Variants in SNX25 observed in about 807,000 individuals in gnomAD.
The protein encoded by SNX25 is sorting nexin 25.
In SNX25, 62 loss-of-function variants were observed where a neutral mutation model predicts 113.7. The observed-to-expected ratio is 0.55, with a 90% CI of 0.44 to 0.67. The LOEUF is 0.67. Among genes scored for constraint, SNX25 ranks in the 30% least tolerant of loss-of-function variants. The pLI is 0.00. For synonymous variants in SNX25, 421 were observed against 436.2 expected (o/e 0.97, Z 0.43); for missense variants, 1,014 against 1,161.0 (o/e 0.87, Z 1.84).
chr4:185,251,598 C>T (rs887935299), intron 2 of SNX25, among the ~76,000 whole-genome samples: 133 of 147,272 alleles, frequency 9.0e-4, no homozygotes, highest in African/African-American at 3.4e-3. Flanking sequence ...TATTCCATTG[C>T]GTGTGTGTGT....
At chr4:185,280,463 T>TA (rs1267403844) in intron 5 of SNX25, among the ~76,000 whole-genome samples, 1 of 152,220 alleles carries the variant, frequency 6.6e-6, no homozygotes, top group Non-Finnish European at 1.5e-5. Context: ...AAAAAGGTTA[T>TA]AAAGATAGTC....
intron 16 of SNX25, among the ~76,000 whole-genome samples, chr4:185,360,950 T>TATATATATATATATAGATAGATAG (rs1048534398): frequency 8.5e-5 from 12 of 141,820 alleles, no homozygotes; most frequent in South Asian, 6.6e-4. Flanking sequence ...TATATATATA[T>TATATATATATATATAGATAGATAG]ATAGAATCTG....
chr4:185,212,491 G>GTGTGTGTTTTTGTTTTTT lies in SNX25; in HGVS notation c.429+2237_429+2238insGTGTGTTTTTGTTTTTTT, dbSNP rs546083196. 1.0e-4 allele frequency among the ~76,000 whole-genome samples: 11 copies of GTGTGTGTTTTTGTTTTTT among 104,938 alleles called. 2 individuals are homozygous for GTGTGTGTTTTTGTTTTTT. Among genetic ancestry groups the GTGTGTGTTTTTGTTTTTT allele is most frequent in the East Asian group, 2.7e-4 (1 of 3,714 alleles). 68.8% of individuals were successfully genotyped at this position (104,938 alleles called of 152,430 possible). On this transcript the variant is annotated intron_variant, in intron 1 of 18. Transcript: ENST00000652585. ...TGTGTGTGTGTGTGTGTGTGTGTGT[G>GTGTGTGTTTTTGTTTTTT]TTTTTTTTTTTTTTTGCTTTGAGAC...
intron 5 of SNX25, among the ~76,000 whole-genome samples, chr4:185,285,740 C>A (rs1751257699): frequency 6.6e-6 from 1 of 152,112 alleles, no homozygotes; most frequent in Non-Finnish European, 1.5e-5. Context: ...TGAACTCCTC[C>A]CGTCTTCTTA....
intron 13 of SNX25, among the ~76,000 whole-genome samples, chr4:185,348,044 T>C (rs542126176): frequency 6.6e-6 from 1 of 152,374 alleles, no homozygotes; most frequent in Non-Finnish European, 1.5e-5. Context: ...CCTGAAGATA[T>C]TTTCTTAATT....
intron 7 of SNX25, among the ~76,000 whole-genome samples, chr4:185,311,648 A>G (rs1332550938): frequency 1.3e-5 from 2 of 152,250 alleles, no homozygotes; most frequent in Non-Finnish European, 2.9e-5. Context: ...GGTATAATGT[A>G]ACTCAAGCTA....
At position 185,320,461 on chromosome 4, in the gene SNX25, C is replaced by T. The variant is rs191067687; in HGVS notation, c.1345-272C>T. On this transcript the variant is annotated intron_variant, in intron 7 of 18. Coordinates refer to ENST00000652585, the MANE Select transcript of SNX25 (RefSeq NM_001378034.2). Reference sequence around the variant, plus strand: ...TGGACACAGGGAGGGGAACAACACACACCAGGGCCTATTGGGGGTGGGGGC... The same window carrying T: ...TGGACACAGGGAGGGGAACAACACATACCAGGGCCTATTGGGGGTGGGGGC... Among the ~76,000 whole-genome samples the T allele has an allele frequency of 1.1e-4, 16 of 152,182 alleles. No homozygotes were observed. The East Asian group carries it at 2.7e-3, about 26-fold the overall frequency.
chr4:185,204,453 C>G (rs765978469), exon 1 of SNX25: 1 of 152,172 alleles, frequency 6.6e-6, no homozygotes, highest in Non-Finnish European at 1.5e-5. Flanking sequence ...AGACCTTTGC[C>G]GAGTGGTAAA....
intron 9 of SNX25, among the ~76,000 whole-genome samples, chr4:185,329,762 G>A (rs763779121): frequency 2.2e-4 from 34 of 152,120 alleles, no homozygotes; most frequent in African/African-American, 6.5e-4. Context: ...CATTGTGGGC[G>A]GTCAGAGGTG....
At position 185,239,401 on chromosome 4, in the gene SNX25, T is replaced by C. The variant is rs1197998295; in HGVS notation, c.430-7893T>C. Among the ~76,000 whole-genome samples, 4 of 152,266 alleles carry C rather than the reference T, an allele frequency of 2.6e-5. No homozygotes were observed. In the East Asian group the frequency reaches 5.8e-4, roughly 22 times the overall value. On this transcript the variant is annotated intron_variant, in intron 1 of 18. Coordinates refer to ENST00000652585, the MANE Select transcript of SNX25 (RefSeq NM_001378034.2). ...GGGAGGCTGAGGCAGGAGAATGGCT[T>C]GAACCCAGGACGCGGAGCTTGCAGT... is the stretch of plus-strand genomic sequence containing the variant.
At chr4:185,306,544 G>T (rs570102270) in intron 6 of SNX25, among the ~76,000 whole-genome samples, 1 of 152,180 alleles carries the variant, frequency 6.6e-6, no homozygotes, top group Non-Finnish European at 1.5e-5. Flanking sequence ...AGCTCTCTTT[G>T]GGTAAAAAGA....
At chr4:185,318,588 C>T (rs73027788) in intron 7 of SNX25, among the ~76,000 whole-genome samples, 7,285 of 152,142 alleles carry the variant, frequency 0.048, 221 homozygotes, top group South Asian at 0.068. Context: ...CAGGGTATAA[C>T]ATTATTTGTA....
At chr4:185,337,090 G>C (rs1285979666) in intron 10 of SNX25, among the ~76,000 whole-genome samples, 1 of 152,098 alleles carries the variant, frequency 6.6e-6, no homozygotes, top group East Asian at 1.9e-4. Context: ...AGATCATGAA[G>C]ATTTTTTTCC....
At chr4:185,324,161 G>C (rs1377003814) in intron 9 of SNX25, among the ~76,000 whole-genome samples, 1 of 152,156 alleles carries the variant, frequency 6.6e-6, no homozygotes, top group Non-Finnish European at 1.5e-5. Context: ...GACATTTATG[G>C]GTTAGACCAG....
intron 6 of SNX25, among the ~76,000 whole-genome samples, chr4:185,288,394 T>A (rs1751649640): frequency 6.6e-6 from 1 of 152,182 alleles, no homozygotes; most frequent in African/African-American, 2.4e-5. Context: ...CATACTTTTT[T>A]TCACATATTG....
At chr4:185,222,621 G>C (rs1560902431) in intron 1 of SNX25, among the ~76,000 whole-genome samples, 1 of 152,184 alleles carries the variant, frequency 6.6e-6, no homozygotes, top group African/African-American at 2.4e-5. Context: ...TACTCATTTG[G>C]ATGGCTCCTG....
intron 10 of SNX25, 76 bp downstream of exon 10, chr4:185,332,835 A>C: frequency 7.1e-7 from 1 of 1,418,050 alleles, no homozygotes; most frequent in South Asian, 1.4e-5. Flanking sequence ...GAGGTTGAGA[A>C]GTGTCAGTTT....
At chr4:185,269,316 G>C (rs993194371) in intron 5 of SNX25, among the ~76,000 whole-genome samples, 1 of 152,070 alleles carries the variant, frequency 6.6e-6, no homozygotes, top group Non-Finnish European at 1.5e-5. Context: ...ACCTATACTC[G>C]AATACTCATC....
chr4:185,323,980 G>A (rs2095138515), intron 9 of SNX25, among the ~76,000 whole-genome samples, 180 bp downstream of exon 9: 1 of 152,164 alleles, frequency 6.6e-6, no homozygotes, highest in Non-Finnish European at 1.5e-5. Flanking sequence ...TAAAAAGTAA[G>A]CATCAATAAC....
Sources: allele counts gnomAD v4.1 joint callset (sites outside exome capture counted in the v4.1 genomes callset), GRCh38; gene constraint gnomAD v4.1.1; transcripts MANE v1.5; gene names NCBI Gene and HGNC (gene_info 2026-07-23, HGNC 2026-07-21).